The following ARMH3 variants were observed in gnomAD, a reference collection of about 807,000 sequenced individuals.
The protein encoded by ARMH3 is armadillo like helical domain containing 3.
A neutral mutation model predicts 99.1 loss-of-function variants in ARMH3; 60 were observed. The observed-to-expected ratio is 0.61, with a 90% confidence interval of 0.49 to 0.75. ARMH3 has a LOEUF of 0.75. Among genes scored for constraint, ARMH3 ranks in the 30% least tolerant of loss-of-function variants. The pLI is 0.00. For synonymous variants in ARMH3, 285 were observed against 292.8 expected, an observed-to-expected ratio of 0.97 and a Z score of 0.27; for missense variants, 679 against 843.1, an observed-to-expected ratio of 0.81 and a Z score of 2.41.
chr10:102,007,334 T>G (rs2066522020), intron 13 of ARMH3, among the ~76,000 whole-genome samples: 1 of 142,640 alleles, frequency 7.0e-6, no homozygotes, highest in African/African-American at 2.6e-5. Flanking sequence ...ACCACAGACA[T>G]TTAAAAAAAA....
intron 8 of ARMH3, among the ~76,000 whole-genome samples, chr10:102,019,504 T>C (rs2066827521): frequency 1.3e-5 from 2 of 152,338 alleles, no homozygotes; most frequent in Non-Finnish European, 1.5e-5. Context: ...TGTGTGTTAT[T>C]TCCCTGAAGA....
intron 14 of ARMH3, among the ~76,000 whole-genome samples, chr10:102,003,640 TC>T (rs2066418904): frequency 6.6e-6 from 1 of 152,250 alleles, no homozygotes. Flanking sequence ...CCATGAAGAC[TC>T]AGTTGACTTT....
chr10:102,049,441 C>G (rs911905015), intron 1 of ARMH3, among the ~76,000 whole-genome samples: 1 of 151,938 alleles, frequency 6.6e-6, no homozygotes, highest in Non-Finnish European at 1.5e-5. Context: ...ACTCAGGAGG[C>G]TGAGGCAGGA....
chr10:101,973,596 G>A (rs2135914204), intron 20 of ARMH3, among the ~76,000 whole-genome samples: 1 of 152,236 alleles, frequency 6.6e-6, no homozygotes, highest in South Asian at 2.1e-4. Context: ...ACGAAGAATA[G>A]AAGGCAATGT....
intron 22 of ARMH3, among the ~76,000 whole-genome samples, chr10:101,947,131 G>A (rs1224494866): frequency 6.6e-6 from 1 of 151,866 alleles, no homozygotes; most frequent in Admixed American, 6.6e-5. Flanking sequence ...AGCTTGCAGT[G>A]AGCTGAAATC....
intron 14 of ARMH3, among the ~76,000 whole-genome samples, chr10:102,006,264 T>G (rs1354438799): frequency 6.6e-6 from 1 of 152,234 alleles, no homozygotes; most frequent in Non-Finnish European, 1.5e-5. Flanking sequence ...AGGACAGGCA[T>G]TACTGACCTT....
rs562426807 is a variant in ARMH3, at chr10:101,991,751, A to T, written c.1345+218T>A. Among the ~76,000 whole-genome samples the T allele has an allele frequency of 2.6e-5, 4 of 152,272 alleles. No individual in the cohort carries two copies. The South Asian group carries it at 8.3e-4, about 32-fold the overall frequency. On this transcript the variant is annotated intron_variant, in intron 18 of 25. Transcript: ENST00000370033. ...CACAGCCATTTGTCTCACTGGAATG[A>T]CTTTTTTCTTTGAACAACAGGACCC...
At chr10:101,921,493 A>G (rs1481998420) in intron 23 of ARMH3, among the ~76,000 whole-genome samples, 2 of 152,226 alleles carry the variant, frequency 1.3e-5, no homozygotes, top group African/African-American at 4.8e-5. Flanking sequence ...TATTTATCCA[A>G]AGAAAAATAA....
intron 24 of ARMH3, among the ~76,000 whole-genome samples, chr10:101,877,649 T>C (rs138770956): frequency 0.06 from 8,880 of 147,566 alleles, 275 homozygotes; most frequent in African/African-American, 0.07. Context: ...GAGTGAGACT[T>C]TGTCTTTAAA....
chr10:101,857,804 A>T (rs1276795046), intron 24 of ARMH3, among the ~76,000 whole-genome samples: 1 of 152,218 alleles, frequency 6.6e-6, no homozygotes, highest in East Asian at 1.9e-4. Context: ...CTGAAAGAGA[A>T]ATGGAAGGTC....
rs574856341 is a variant in ARMH3 at position 102,045,129 on chromosome 10, CA to C, written c.-11-5005del. ...TGAGCAACAGAGCCAGCCCTTGTCT[CA>C]AAAAAAAAAAAAAAAAAAAGAGCGA... On this transcript the variant is annotated intron_variant, in intron 1 of 25. Coordinates refer to ENST00000370033, the MANE Select transcript of ARMH3 (RefSeq NM_024541.3). Among the ~76,000 whole-genome samples the C allele has an allele frequency of 2.8e-3, 226 of 80,764 alleles. 1 individual carries two copies. The highest frequency in any genetic ancestry group is 3.1e-3 in the Non-Finnish European group (124 of 39,690). The allele number at this position is 80,764 out of a possible 152,430, so 53.0% of individuals were successfully genotyped here. A position where few individuals can be genotyped will look rare whatever the true frequency, so the allele number is the denominator to read the frequency against.
At chr10:101,894,870 C>CA (rs140398612) in intron 23 of ARMH3, among the ~76,000 whole-genome samples, 25,792 of 86,148 alleles carry the variant, frequency 0.3, 3,021 homozygotes, top group East Asian at 0.58. Flanking sequence ...GAAACTCTGC[C>CA]AAAAAAAAAA....
In ARMH3 at chr10:102,033,502, C is replaced by G. The variant is rs1026790680; in HGVS notation, c.103-163G>C. ...GCGTGATCTCGGCTCACTGCAGGCT[C>G]CGCCCCCCAGGGTTCACGCCATTCC... On this transcript the variant is annotated intron_variant, in intron 2 of 25. Transcript: ENST00000370033. 20 of 739,618 alleles carry G rather than the reference C, an allele frequency of 2.7e-5. No homozygotes were observed. In the African/African-American group the frequency reaches 3.4e-4, roughly 13 times the overall value. The allele number at this position is 739,618 out of a possible 1,614,324, so 45.8% of individuals were successfully genotyped here. A position where few individuals can be genotyped will look rare whatever the true frequency, so the allele number is the denominator to read the frequency against.
chr10:101,964,988 G>A (rs1266558621), intron 20 of ARMH3, among the ~76,000 whole-genome samples: 1 of 152,064 alleles, frequency 6.6e-6, no homozygotes, highest in South Asian at 2.1e-4. Flanking sequence ...CTCCCACCTG[G>A]GTGACAGAGT....
intron 15 of ARMH3, among the ~76,000 whole-genome samples, chr10:101,997,993 T>C (rs536483320): frequency 1.4e-4 from 22 of 152,338 alleles, no homozygotes; most frequent in Admixed American, 7.8e-4. Flanking sequence ...GGAGTCATTT[T>C]TGAAATTAAC....
intron 22 of ARMH3, among the ~76,000 whole-genome samples, chr10:101,942,705 T>C (rs569032836): frequency 9.9e-5 from 15 of 151,788 alleles, no homozygotes; most frequent in Non-Finnish European, 2.1e-4. Flanking sequence ...CTACTAAAGA[T>C]ACAAAAAAAA....
At chr10:101,955,546 C>T (rs903461102) in intron 22 of ARMH3, among the ~76,000 whole-genome samples, 7 of 152,158 alleles carry the variant, frequency 4.6e-5, no homozygotes, top group African/African-American at 1.7e-4. Context: ...ATTTTCCTCC[C>T]AGGCAATCCT....
At chr10:101,888,895 C>A (rs1438570524) in intron 24 of ARMH3, among the ~76,000 whole-genome samples, 2 of 152,146 alleles carry the variant, frequency 1.3e-5, no homozygotes, top group Non-Finnish European at 2.9e-5. Flanking sequence ...AGACACAAGG[C>A]TATCTGCATC....
chr10:101,903,729 GTAAAC>G (rs571170329), intron 23 of ARMH3, among the ~76,000 whole-genome samples: 211 of 152,278 alleles, frequency 1.4e-3, no homozygotes, highest in African/African-American at 4.9e-3. Context: ...AATTTTTCCA[GTAAAC>G]TAAAGATAAA....
Sources: allele counts gnomAD v4.1 joint callset (sites outside exome capture counted in the v4.1 genomes callset), GRCh38; gene constraint gnomAD v4.1.1; transcripts MANE v1.5; gene names NCBI Gene and HGNC (gene_info 2026-07-23, HGNC 2026-07-21).